The following CNTN5 variants were observed in gnomAD, a reference collection of about 807,000 sequenced individuals.
CNTN5 encodes contactin 5.
A neutral mutation model predicts 129.1 loss-of-function variants in CNTN5; 77 were observed. The ratio of observed to expected loss-of-function variants is 0.60; its 90% confidence interval spans 0.50 to 0.72. The LOEUF (loss-of-function observed/expected upper bound fraction) is 0.72. CNTN5 is among the 30% of genes least tolerant of loss of function. CNTN5 has a pLI of 0.00. For missense variants in CNTN5, 1,478 were observed against 1,328.8 expected (o/e 1.11, Z -1.75); for synonymous variants, 509 against 465.6 (o/e 1.09, Z -1.20).
intron 3 of CNTN5, among the ~76,000 whole-genome samples, chr11:99,619,644 C>A (rs1565354725): frequency 6.6e-6 from 1 of 152,018 alleles, no homozygotes; most frequent in African/African-American, 2.4e-5. Flanking sequence ...ACTCTGTGAT[C>A]GAGGCCTAGT....
intron 1 of CNTN5, among the ~76,000 whole-genome samples, chr11:99,157,735 T>C (rs1860404076): frequency 6.6e-6 from 1 of 152,140 alleles, no homozygotes. Context: ...TGAGAAATAT[T>C]TCATTTCAGC....
Position 99,939,056 on chromosome 11 carries a change from T to A in CNTN5, c.674-17750T>A, listed in dbSNP as rs1950376619. On this transcript the variant is annotated intron_variant, in intron 7 of 24. Coordinates refer to ENST00000524871, the MANE Select transcript of CNTN5 (RefSeq NM_014361.4). ...CTGACTACCTTTTATTGAGCTGATT[T>A]ATCAACCCTCCGGTGTTTCTAATTT... is the stretch of plus-strand genomic sequence containing the variant. 1.3e-5 allele frequency among the ~76,000 whole-genome samples: 2 copies of A among 152,112 alleles called. 1 individual carries two copies. Among genetic ancestry groups the A allele is most frequent in the South Asian group, 4.1e-4 (2 of 4,830 alleles).
chr11:99,702,346 C>T lies in CNTN5; in HGVS notation c.56-117198C>T, dbSNP rs376720220. 8.6e-5 allele frequency among the ~76,000 whole-genome samples: 13 copies of T among 151,038 alleles called. No homozygotes were observed. In the East Asian group the frequency reaches 1.4e-3, roughly 16 times the overall value. ...GTTACTAGCCTTGTCACCAACCGAA[C>T]ACACAGCCTTGTTTGTAGCTCACTT... On this transcript the variant is annotated intron_variant, in intron 3 of 24. Coordinates refer to ENST00000524871, the MANE Select transcript of CNTN5 (RefSeq NM_014361.4).
chr11:99,819,152 T>C (rs1024259887), intron 3 of CNTN5, among the ~76,000 whole-genome samples: 1 of 151,430 alleles, frequency 6.6e-6, no homozygotes, highest in Non-Finnish European at 1.5e-5. Context: ...AGGTAAACTT[T>C]TAAAAGTTAA....
intron 2 of CNTN5, among the ~76,000 whole-genome samples, chr11:99,516,424 T>C (rs1947054884): frequency 6.6e-6 from 1 of 152,150 alleles, no homozygotes; most frequent in Non-Finnish European, 1.5e-5. Flanking sequence ...TTAGTCTCTG[T>C]GGAAACTAGT....
chr11:100,188,759 T>A (rs1948380726), intron 13 of CNTN5, among the ~76,000 whole-genome samples: 1 of 152,114 alleles, frequency 6.6e-6, no homozygotes, highest in South Asian at 2.1e-4. Flanking sequence ...AATAAATAGT[T>A]CTACCAAAAT....
chr11:100,038,465 C>T (rs1405768694), intron 9 of CNTN5, among the ~76,000 whole-genome samples: 1 of 152,166 alleles, frequency 6.6e-6, no homozygotes, highest in African/African-American at 2.4e-5. Flanking sequence ...GTGGAGAGTT[C>T]TGTAAATGTC....
At chr11:99,309,164 TCA>T (rs141058337) in intron 1 of CNTN5, among the ~76,000 whole-genome samples, 3,533 of 152,004 alleles carry the variant, frequency 0.023, 140 homozygotes, top group African/African-American at 0.081. Context: ...TTTATTAATA[TCA>T]GTCACTTTTT....
chr11:99,497,354 A>T (rs1312645593), intron 2 of CNTN5, among the ~76,000 whole-genome samples: 1 of 152,038 alleles, frequency 6.6e-6, no homozygotes, highest in Admixed American at 6.6e-5. Flanking sequence ...TTGTGAGAAC[A>T]GACAAGGGAA....
intron 2 of CNTN5, among the ~76,000 whole-genome samples, chr11:99,378,171 A>G (rs189361820): frequency 1.6e-4 from 25 of 152,258 alleles, no homozygotes; most frequent in African/African-American, 6.0e-4. Context: ...ACTACTCTTA[A>G]CAATGCTTTG....
intron 3 of CNTN5, among the ~76,000 whole-genome samples, chr11:99,683,842 A>G (rs1033586947): frequency 4.6e-5 from 7 of 151,626 alleles, no homozygotes; most frequent in African/African-American, 1.7e-4. Flanking sequence ...TAAAAATTAT[A>G]TATTTATGGT....
intron 1 of CNTN5, among the ~76,000 whole-genome samples, chr11:99,187,910 C>T (rs1858436067): frequency 1.3e-5 from 2 of 151,766 alleles, no homozygotes; most frequent in Admixed American, 1.3e-4. Flanking sequence ...CATCCTTGAA[C>T]ACTTCTTTTT....
chr11:99,025,341 A>G (rs1245187797), intron 1 of CNTN5, among the ~76,000 whole-genome samples: 1 of 151,930 alleles, frequency 6.6e-6, no homozygotes, highest in Non-Finnish European at 1.5e-5. Flanking sequence ...GGCAAGGAAT[A>G]TTTCATTTAT....
intron 3 of CNTN5, among the ~76,000 whole-genome samples, chr11:99,638,359 G>A (rs1425262852): frequency 6.6e-6 from 1 of 152,030 alleles, no homozygotes; most frequent in East Asian, 1.9e-4. Context: ...TTTGAATGGG[G>A]ACACAGCCAA....
chr11:99,583,654 G>C (rs944355363), intron 3 of CNTN5, among the ~76,000 whole-genome samples: 4 of 152,206 alleles, frequency 2.6e-5, no homozygotes, highest in Non-Finnish European at 2.9e-5. Flanking sequence ...CTGGTGTGCC[G>C]TTTGTTAAGC....
chr11:99,100,983 A>C (rs571582676), intron 1 of CNTN5, among the ~76,000 whole-genome samples: 1 of 152,312 alleles, frequency 6.6e-6, no homozygotes, highest in African/African-American at 2.4e-5. Flanking sequence ...TGATAAAGGC[A>C]GACCTGAGCC....
intron 2 of CNTN5, among the ~76,000 whole-genome samples, chr11:99,385,187 A>G (rs1446562685): frequency 6.6e-6 from 1 of 152,162 alleles, no homozygotes; most frequent in Non-Finnish European, 1.5e-5. Flanking sequence ...CATTTTTTCA[A>G]GAATACAAAT....
intron 3 of CNTN5, among the ~76,000 whole-genome samples, chr11:99,799,322 A>T (rs1387235702): frequency 6.6e-6 from 1 of 151,472 alleles, no homozygotes; most frequent in African/African-American, 2.4e-5. Context: ...TCCTTATTTT[A>T]TCTCAGTTCT....
At chr11:99,424,753 C>T (rs1943046246) in intron 2 of CNTN5, among the ~76,000 whole-genome samples, 1 of 152,222 alleles carries the variant, frequency 6.6e-6, no homozygotes, top group Non-Finnish European at 1.5e-5. Flanking sequence ...ATTTTCATCG[C>T]CCACAACATG....
Sources: gnomAD v4.1 joint callset for allele counts (sites outside exome capture counted in the v4.1 genomes callset) on GRCh38, gnomAD v4.1.1 for gene constraint, MANE v1.5 for transcripts, NCBI Gene and HGNC (gene_info 2026-07-23, HGNC 2026-07-21) for gene names.